Variants in IGF2R observed in about 807,000 individuals in gnomAD.
IGF2R encodes the protein cation-independent mannose-6-phosphate receptor.
IGF2R carries 91 observed loss-of-function variants against 270.6 expected under a neutral mutation model. The observed-to-expected ratio is 0.34, with a 90% confidence interval of 0.28 to 0.40. The LOEUF is 0.40. IGF2R is among the 10% of genes least tolerant of loss of function. The pLI, the probability that IGF2R is intolerant of heterozygous loss-of-function variation, is 1.00. For synonymous variants in IGF2R, 1,316 were observed against 1,258.9 expected, an observed-to-expected ratio of 1.05 and a Z score of -0.96; for missense variants, 2,805 against 3,188.3, an observed-to-expected ratio of 0.88 and a Z score of 2.90.
chr6:160,082,730 G>A (rs543694854), intron 39 of IGF2R, among the ~76,000 whole-genome samples: 2 of 152,242 alleles, frequency 1.3e-5, no homozygotes, highest in Non-Finnish European at 2.9e-5. Flanking sequence ...CAAGGAGCTG[G>A]GTCTATTTGG....
intron 11 of IGF2R, 100 bp downstream of exon 11, chr6:160,040,824 G>A: frequency 6.3e-6 from 8 of 1,260,858 alleles, no homozygotes; most frequent in Non-Finnish European, 7.8e-6. Context: ...TTTGTCAGTG[G>A]GTTGCGTCAC....
rs373279911 is a variant in IGF2R at position 160,029,639 on chromosome 6, C to T, written c.866C>T (p.Pro289Leu). 2.5e-5 allele frequency: 41 copies of T among 1,612,718 alleles called. 1 individual carries two copies. The highest frequency in any genetic ancestry group is 8.9e-5 in the East Asian group (4 of 44,880). Reference protein sequence around the residue: ...SPAVTITFVCPSERREGTIPK... With the variant: ...SPAVTITFVCLSERREGTIPK... ...GCGGTGACTATTACATTTGTTTGCC[C>T]GTCGGAGCGGAGAGAGGTAAGTGAC... Residue 289 changes from proline (P) to leucine (L), a missense_variant, in exon 7 of 48, where the codon CCG (proline) becomes CTG (leucine). By Grantham distance (98) the Pro-to-Leu change is moderately conservative (BLOSUM62 -3). This residue lies in a region of IGF2R where 954 missense variants were observed against 981.1 expected (regional missense o/e 0.97). Transcript: ENST00000356956.
rs1351833083 is a variant in IGF2R at position 160,109,623 on chromosome 6, CAAT to C, written c.*4540_*4542del. 6.6e-6 allele frequency: 1 copy of C among 152,188 alleles called. No homozygotes were observed. Among genetic ancestry groups the C allele is most frequent in the Non-Finnish European group, 1.5e-5 (1 of 68,038 alleles). The allele number at this position is 152,188 out of a possible 1,614,324, so 9.4% of individuals were successfully genotyped here. A position where few individuals can be genotyped will look rare whatever the true frequency, so the allele number is the denominator to read the frequency against. ...GCTGTTTCGGTGTTGACAGCTGTCA[CAAT>C]GATGCCCTTTTCAGTAGAGGAGCCT... is the stretch of plus-strand genomic sequence containing the variant. On this transcript the variant is annotated 3_prime_UTR_variant, in exon 48 of 48. Transcript: ENST00000356956.
chr6:160,046,536 G>A lies in IGF2R; in HGVS notation c.1942G>A (p.Gly648Ser). The stretch of plus-strand genomic sequence containing the variant: ...CTTATCACCTCTCACAAAGAAAAAT[G>A]GTGCCTATAAAGTTGAGACAAAGAA... The part of the protein sequence containing the change: ...FDLSPLTKKN[G>S]AYKVETKKYD... Residue 648 changes from glycine (G) to serine (S), a missense_variant, in exon 15 of 48, where the codon GGT becomes AGT. Around this residue, in one of 2 missense-constraint regions of IGF2R, gnomAD observed 954 missense variants for 981.1 expected, o/e 0.97. Coordinates refer to ENST00000356956, the MANE Select transcript of IGF2R (RefSeq NM_000876.4). 2 of 1,612,986 alleles carry A rather than the reference G, an allele frequency of 1.2e-6. No homozygotes were observed.
chr6:160,078,706 A>G (rs1027684610), intron 37 of IGF2R, among the ~76,000 whole-genome samples: 18 of 152,210 alleles, frequency 1.2e-4, no homozygotes, highest in Admixed American at 8.5e-4. Context: ...CCATGGGGAC[A>G]GGGCCAGCTC....
intron 17 of IGF2R, 143 bp downstream of exon 17, chr6:160,048,050 G>C: frequency 1.5e-6 from 1 of 684,154 alleles, no homozygotes; most frequent in African/African-American, 1.8e-5. Flanking sequence ...ATTTTCAGCA[G>C]AGTGAATTCT....
intron 4 of IGF2R, among the ~76,000 whole-genome samples, chr6:160,017,128 A>G (rs986497309): frequency 2.6e-5 from 4 of 152,264 alleles, no homozygotes; most frequent in African/African-American, 9.6e-5. Flanking sequence ...TCAGAATATC[A>G]ATCCAGGATA....
Position 160,032,526 on chromosome 6 carries a change from G to C in IGF2R, c.883-25G>C, listed in dbSNP as rs1328558152. 10 of 1,597,950 alleles carry C rather than the reference G, an allele frequency of 6.3e-6. No individual in the cohort carries two copies. The Admixed American group carries it at 1.7e-4, about 28-fold the overall frequency. On this transcript the variant is annotated intron_variant, in intron 7 of 47. Coordinates refer to ENST00000356956, the MANE Select transcript of IGF2R (RefSeq NM_000876.4). ...AGCTGCATGAAACATTTTTTATTTT[G>C]CTTCTTTCACATTGTTCCTGATAGG...
intron 6 of IGF2R, among the ~76,000 whole-genome samples, chr6:160,027,693 G>A (rs1012442692): frequency 2.0e-5 from 3 of 152,258 alleles, no homozygotes; most frequent in Non-Finnish European, 4.4e-5. Context: ...AGGAGGGACA[G>A]TTTGCTGGTG....
At chr6:160,080,439 C>T (rs1011115935) in intron 39 of IGF2R, among the ~76,000 whole-genome samples, 164 bp downstream of exon 39, 1 of 152,194 alleles carries the variant, frequency 6.6e-6, no homozygotes, top group Non-Finnish European at 1.5e-5. Flanking sequence ...GTTTGAATTG[C>T]TCTGTGGGAT....
At chr6:160,076,092 T>A in intron 36 of IGF2R, 96 bp downstream of exon 36, 1 of 1,180,482 alleles carries the variant, frequency 8.5e-7, no homozygotes, top group Non-Finnish European at 1.2e-6. Context: ...AAGGATACTC[T>A]TATTCAAAAT....
chr6:160,071,253 G>GCCCCAGA lies in IGF2R; in HGVS notation c.4444-654_4444-653insCAGACCC, dbSNP rs1345571387. 3.2e-3 allele frequency among the ~76,000 whole-genome samples: 426 copies of GCCCCAGA among 131,188 alleles called. 13 individuals carry two copies. Among genetic ancestry groups the GCCCCAGA allele is most frequent in the East Asian group, 0.024 (85 of 3,540 alleles). 86.1% of individuals were successfully genotyped at this position (131,188 alleles called of 152,430 possible). ...GGTGGGGGTGTGTCGAGGCCCCTGTGCCCAGGGCCCAGGAGGCTGGGAGGG... is the reference window on the plus strand; with the variant it reads ...GGTGGGGGTGTGTCGAGGCCCCTGTGCCCCAGACCCAGGGCCCAGGAGGCTGGGAGGG... On this transcript the variant is annotated intron_variant, in intron 31 of 47. Coordinates refer to ENST00000356956, the MANE Select transcript of IGF2R (RefSeq NM_000876.4).
rs1783739248 is a variant in IGF2R, at chr6:159,979,082, G to A, written c.149+9687G>A. 2.0e-5 allele frequency among the ~76,000 whole-genome samples: 3 copies of A among 152,178 alleles called. No individual in the cohort carries two copies. In the South Asian group the frequency reaches 6.2e-4, roughly 32 times the overall value. ...GGCTATGGCCTAGAGGGAAGGCCAG[G>A]AGGGTCTTGCTGTTAGGGCTGCCAC... On this transcript the variant is annotated intron_variant, in intron 1 of 47. Transcript: ENST00000356956.
intron 6 of IGF2R, 93 bp from the exon 7 acceptor site, chr6:160,029,457 C>T (rs531455477): frequency 1.5e-5 from 11 of 713,932 alleles, no homozygotes; most frequent in Non-Finnish European, 2.3e-5. Context: ...TCTCCTCCCC[C>T]CCAAGTGAAT....
At chr6:159,994,068 C>G (rs1448646307) in intron 2 of IGF2R, among the ~76,000 whole-genome samples, 1 of 132,780 alleles carries the variant, frequency 7.5e-6, no homozygotes, top group African/African-American at 2.9e-5. Flanking sequence ...TAGAATTTGG[C>G]TCTCAATCTG....
At chr6:159,985,861 G>C (rs953055031) in intron 1 of IGF2R, among the ~76,000 whole-genome samples, 1 of 152,098 alleles carries the variant, frequency 6.6e-6, no homozygotes, top group Non-Finnish European at 1.5e-5. Context: ...ACATAGAATA[G>C]CAAAGATTTT....
chr6:160,104,372 G>A (rs1379569964), intron 47 of IGF2R, among the ~76,000 whole-genome samples: 2 of 151,772 alleles, frequency 1.3e-5, no homozygotes, highest in Non-Finnish European at 2.9e-5. Flanking sequence ...TCTGCTTTTC[G>A]GTCCAGGCCA....
chr6:160,002,281 C>T (rs1784141924), intron 2 of IGF2R, among the ~76,000 whole-genome samples: 1 of 152,018 alleles, frequency 6.6e-6, no homozygotes. Flanking sequence ...GTCCCAACTA[C>T]TTGGGAGGCT....
chr6:160,008,572 T>G (rs925385519), intron 2 of IGF2R, among the ~76,000 whole-genome samples: 6 of 152,204 alleles, frequency 3.9e-5, no homozygotes, highest in African/African-American at 1.4e-4. Flanking sequence ...TGGGAAGTAT[T>G]GAAACATTTC....
Sources: gnomAD v4.1 joint callset for allele counts (sites outside exome capture counted in the v4.1 genomes callset) on GRCh38, gnomAD v4.1.1 for gene constraint, gnomAD v4.1.1 regional missense constraint, MANE v1.5 for transcripts, NCBI Gene and HGNC (gene_info 2026-07-23, HGNC 2026-07-21) for gene names.